Variants in WWP1 observed in about 807,000 individuals in gnomAD.
WWP1 encodes WW domain containing E3 ubiquitin protein ligase 1.
WWP1 carries 49 observed loss-of-function variants against 130.6 expected under a neutral mutation model. The observed-to-expected ratio is 0.38, with a 90% CI of 0.30 to 0.48. The LOEUF (loss-of-function observed/expected upper bound fraction) is 0.48. Ranked by LOEUF, WWP1 falls within the 20% of genes least tolerant of loss-of-function variation. The pLI is 0.99. For synonymous variants in WWP1, 332 were observed against 367.8 expected, an observed-to-expected ratio of 0.90 and a Z score of 1.11; for missense variants, 809 against 1,100.6, an observed-to-expected ratio of 0.74 and a Z score of 3.75.
intron 1 of WWP1, among the ~76,000 whole-genome samples, chr8:86,349,048 G>A (rs1408200219): frequency 6.6e-6 from 1 of 151,986 alleles, no homozygotes; most frequent in African/African-American, 2.4e-5. Flanking sequence ...TTGAGAGGGA[G>A]TCTCACTCTG....
At chr8:86,359,568 T>C (rs1466330129) in intron 1 of WWP1, among the ~76,000 whole-genome samples, 1 of 152,152 alleles carries the variant, frequency 6.6e-6, no homozygotes, top group African/African-American at 2.4e-5. Flanking sequence ...TTTCCTTAAC[T>C]TTCTTTCCAG....
chr8:86,359,689 T>A (rs1823455440), intron 1 of WWP1, among the ~76,000 whole-genome samples: 1 of 152,126 alleles, frequency 6.6e-6, no homozygotes, highest in Non-Finnish European at 1.5e-5. Context: ...GATCTTGTGT[T>A]AGTGATCATC....
chr8:86,404,164 A>G (rs1429150678), intron 8 of WWP1, among the ~76,000 whole-genome samples: 1 of 152,216 alleles, frequency 6.6e-6, no homozygotes, highest in Admixed American at 6.5e-5. Context: ...TGGATTAGGG[A>G]TGCTAAACTG....
chr8:86,370,434 A>G lies in WWP1; in HGVS notation c.-22+1403A>G, dbSNP rs912536778. The stretch of plus-strand genomic sequence containing the variant: ...ACTAGTTTCTTTATTGTGTGCAGAA[A>G]TGTTTCCATAAGATTCATAGAGTAC... On this transcript the variant is annotated intron_variant, in intron 2 of 24. Coordinates refer to ENST00000517970, the MANE Select transcript of WWP1 (RefSeq NM_007013.4). Among the ~76,000 whole-genome samples the G allele has an allele frequency of 3.9e-5, 6 of 152,314 alleles. No individual in the cohort carries two copies. In the East Asian group the frequency reaches 7.7e-4, roughly 20 times the overall value.
intron 17 of WWP1, chr8:86,440,682 A>G (rs547841958): frequency 2.2e-6 from 1 of 454,888 alleles, no homozygotes; most frequent in African/African-American, 2.0e-5. Flanking sequence ...ATGTCTTTGA[A>G]TATTTTTTCT....
At chr8:86,416,315 A>G (rs1276149257) in intron 9 of WWP1, among the ~76,000 whole-genome samples, 1 of 152,204 alleles carries the variant, frequency 6.6e-6, no homozygotes, top group Non-Finnish European at 1.5e-5. Flanking sequence ...GAGCAAGAGG[A>G]CATACAGAAC....
At chr8:86,441,916 G>T (rs1167825450) in intron 17 of WWP1, among the ~76,000 whole-genome samples, 2 of 152,120 alleles carry the variant, frequency 1.3e-5, no homozygotes, top group East Asian at 3.9e-4. Flanking sequence ...GGTTTATCTT[G>T]TAATACCTTT....
In WWP1 at chr8:86,441,902, A is replaced by T. The variant is rs1392023189; in HGVS notation, c.1839-717A>T. 5.9e-5 allele frequency among the ~76,000 whole-genome samples: 9 copies of T among 152,166 alleles called. No homozygotes were observed. In the East Asian group the frequency reaches 1.7e-3, roughly 29 times the overall value. On this transcript the variant is annotated intron_variant, in intron 17 of 24. Transcript: ENST00000517970. ...TGCTATTGAAAAGAACCTTTTAGAG[A>T]TTGGGTTTATCTTGTAATACCTTTA...
At chr8:86,347,813 G>C (rs1822675164) in intron 1 of WWP1, among the ~76,000 whole-genome samples, 1 of 152,032 alleles carries the variant, frequency 6.6e-6, no homozygotes, top group Non-Finnish European at 1.5e-5. Context: ...TACATTTTTT[G>C]AGGATATAAA....
At chr8:86,378,658 A>T (rs964410907) in intron 3 of WWP1, among the ~76,000 whole-genome samples, 6 of 152,212 alleles carry the variant, frequency 3.9e-5, no homozygotes, top group African/African-American at 1.4e-4. Context: ...ATTTATATGT[A>T]CATTTTGCTA....
chr8:86,372,017 A>ATTTTTTTTT (rs34458424), intron 2 of WWP1, among the ~76,000 whole-genome samples: 112 of 70,174 alleles, frequency 1.6e-3, no homozygotes, highest in East Asian at 1.8e-3. Context: ...TAATTTTTGT[A>ATTTTTTTTT]TTTTTTTTTT....
rs561407181 is a variant in WWP1, at chr8:86,368,588, A to G, written c.-114-351A>G. On this transcript the variant is annotated intron_variant, in intron 1 of 24. Transcript: ENST00000517970. ...AATTCTCATCACTGAAACCATCAGG[A>G]TAAACTTTAAAGTACTATGCATGGT... Among the ~76,000 whole-genome samples, 16 of 152,318 alleles carry G rather than the reference A, an allele frequency of 1.1e-4. 1 individual carries two copies. Among genetic ancestry groups the G allele is most frequent in the African/African-American group, 3.8e-4 (16 of 41,572 alleles).
intron 9 of WWP1, among the ~76,000 whole-genome samples, chr8:86,418,906 G>C (rs1458889008): frequency 2.6e-5 from 4 of 152,074 alleles, no homozygotes; most frequent in African/African-American, 9.7e-5. Context: ...ATCTTCTATT[G>C]AAGACCTCTC....
chr8:86,425,628 T>C (rs1056770490), intron 10 of WWP1, among the ~76,000 whole-genome samples: 1 of 152,206 alleles, frequency 6.6e-6, no homozygotes, highest in Non-Finnish European at 1.5e-5. Flanking sequence ...TGGTTCTCCA[T>C]GGATAGTGAT....
intron 16 of WWP1, among the ~76,000 whole-genome samples, chr8:86,437,759 A>G (rs1810373826): frequency 6.6e-6 from 1 of 152,170 alleles, no homozygotes; most frequent in Non-Finnish European, 1.5e-5. Flanking sequence ...GTTAACACAT[A>G]GAGTCAGTTA....
At chr8:86,457,225 G>A (rs1481636250) in intron 21 of WWP1, among the ~76,000 whole-genome samples, 1 of 151,874 alleles carries the variant, frequency 6.6e-6, no homozygotes. Flanking sequence ...TACATAAGTT[G>A]AGGTTGTTTG....
intron 2 of WWP1, among the ~76,000 whole-genome samples, chr8:86,371,838 T>G (rs1297718105): frequency 6.6e-6 from 1 of 151,976 alleles, no homozygotes; most frequent in Non-Finnish European, 1.5e-5. Flanking sequence ...AGTCAAAATA[T>G]TCACCCTTTT....
At position 86,402,124 on chromosome 8, in the gene WWP1, A is replaced by G. The variant is rs1460390707; in HGVS notation, c.645A>G (p.Ser215=). 4.3e-6 allele frequency: 7 copies of G among 1,614,082 alleles called. No homozygotes were observed. The highest frequency in any genetic ancestry group is 5.1e-6 in the Non-Finnish European group (6 of 1,180,038). ...TAGTTAATGGAGACAACACACCTTC[A>G]TCTCCGTCTCAGGTTGCTGCCAGAC... ...SYVVNGDNTP[S]SPSQVAARPK... is the part of the protein sequence containing the mutation. Residue 215 remains serine (S), a synonymous_variant, in exon 8 of 25, where the codon TCA becomes TCG. Transcript: ENST00000517970.
chr8:86,372,857 C>T (rs1451437244), intron 2 of WWP1, among the ~76,000 whole-genome samples: 2 of 151,870 alleles, frequency 1.3e-5, no homozygotes, highest in Non-Finnish European at 2.9e-5. Context: ...CTTTCTGTTA[C>T]CTTCTTTCTA....
Sources: allele counts gnomAD v4.1 joint callset (sites outside exome capture counted in the v4.1 genomes callset), GRCh38; gene constraint gnomAD v4.1.1; transcripts MANE v1.5; gene names NCBI Gene and HGNC (gene_info 2026-07-23, HGNC 2026-07-21).